The following KLHL1 variants were observed in gnomAD, a reference collection of about 807,000 sequenced individuals.
KLHL1 encodes the protein kelch like family member 1, also known as kelch-like protein 1.
In KLHL1, 47 loss-of-function variants were observed where a neutral mutation model predicts 77.7. That is an observed-to-expected ratio of 0.60 (90% confidence interval 0.48 to 0.77). KLHL1 has a LOEUF of 0.77. KLHL1 is among the 30% of genes least tolerant of loss of function. The probability of loss-of-function intolerance (pLI) is 0.00; values close to 1 mark genes in which losing one functional copy is unlikely to be tolerated. For synonymous variants in KLHL1, 360 were observed against 325.2 expected (o/e 1.11, Z -1.15); for missense variants, 925 against 910.8 (o/e 1.02, Z -0.20).
At chr13:69,858,986 A>G (rs910766338) in intron 5 of KLHL1, among the ~76,000 whole-genome samples, 3 of 152,066 alleles carry the variant, frequency 2.0e-5, no homozygotes, top group African/African-American at 7.2e-5. Context: ...CTATTCATAT[A>G]CGTGTCCATC....
At chr13:69,755,080 G>A (rs1318145071) in intron 7 of KLHL1, among the ~76,000 whole-genome samples, 1 of 152,094 alleles carries the variant, frequency 6.6e-6, no homozygotes, top group African/African-American at 2.4e-5. Flanking sequence ...GATTCCCAAT[G>A]TTGGAGGTGG....
At chr13:70,104,721 T>C (rs1306695478) in intron 1 of KLHL1, among the ~76,000 whole-genome samples, 2 of 152,124 alleles carry the variant, frequency 1.3e-5, no homozygotes, top group Non-Finnish European at 2.9e-5. Flanking sequence ...AAAATTGTCA[T>C]ACAGCATTCA....
intron 1 of KLHL1, among the ~76,000 whole-genome samples, chr13:70,065,863 T>G (rs1260505990): frequency 6.6e-6 from 1 of 152,024 alleles, no homozygotes; most frequent in Non-Finnish European, 1.5e-5. Flanking sequence ...CTAATATTCA[T>G]TACTTCATCA....
chr13:69,751,809 C>A (rs1874496318), intron 7 of KLHL1, among the ~76,000 whole-genome samples: 1 of 152,054 alleles, frequency 6.6e-6, no homozygotes, highest in Non-Finnish European at 1.5e-5. Flanking sequence ...TAGATGTGGC[C>A]ATGCCAAATA....
intron 1 of KLHL1, among the ~76,000 whole-genome samples, chr13:70,003,273 G>A (rs960355536): frequency 6.6e-6 from 1 of 151,636 alleles, no homozygotes; most frequent in Non-Finnish European, 1.5e-5. Context: ...TGATGAATAA[G>A]GGAATTAATT....
intron 5 of KLHL1, among the ~76,000 whole-genome samples, chr13:69,871,583 A>C (rs1036330646): frequency 3.9e-5 from 6 of 152,036 alleles, no homozygotes; most frequent in African/African-American, 2.4e-5. Context: ...TTGGCTGCTG[A>C]TATGATTATA....
chr13:70,107,456 G>A lies in KLHL1; in HGVS notation c.244C>T (p.Pro82Ser), dbSNP rs372375859. 2.5e-5 allele frequency: 41 copies of A among 1,613,968 alleles called. No homozygotes were observed. In the African/African-American group the frequency reaches 4.8e-4, roughly 19 times the overall value. ...TTGAAGGAAGAGGAGGAAGAGGACG[G>A]GGAGGACGATGAAGAGGAAGAGGAG... is the stretch of plus-strand genomic sequence containing the variant. ...PSSSSSSSSS[P>S]SSSSSSFNPL... The change falls in exon 1 of 11, where the codon CCG (proline) becomes TCG (serine). Residue 82 changes from proline (P) to serine (S), a missense_variant. Transcript: ENST00000377844.
intron 7 of KLHL1, among the ~76,000 whole-genome samples, chr13:69,783,759 G>C (rs1209042799): frequency 7.2e-6 from 1 of 139,756 alleles, no homozygotes; most frequent in African/African-American, 2.7e-5. Context: ...ACACTCTGCG[G>C]GATATTATCC....
intron 1 of KLHL1, among the ~76,000 whole-genome samples, chr13:70,021,964 G>GT (rs1885810594): frequency 6.6e-6 from 1 of 151,922 alleles, no homozygotes; most frequent in African/African-American, 2.4e-5. Context: ...TCCCTTCTCT[G>GT]TTGCAGAGCA....
At chr13:69,809,093 G>T (rs9634958) in intron 6 of KLHL1, among the ~76,000 whole-genome samples, 3 of 151,716 alleles carry the variant, frequency 2.0e-5, no homozygotes, top group Non-Finnish European at 2.9e-5. Flanking sequence ...TGATATTAGC[G>T]TACCTGGGAG....
chr13:69,813,122 C>A (rs1354243190), intron 6 of KLHL1, among the ~76,000 whole-genome samples: 2 of 152,028 alleles, frequency 1.3e-5, no homozygotes, highest in Non-Finnish European at 2.9e-5. Context: ...GGCACATATA[C>A]ACCATGGAAT....
At chr13:69,779,142 T>G (rs1875991842) in intron 7 of KLHL1, among the ~76,000 whole-genome samples, 1 of 152,080 alleles carries the variant, frequency 6.6e-6, no homozygotes, top group Non-Finnish European at 1.5e-5. Context: ...CTGATGTGAT[T>G]CCTAGCATTA....
intron 6 of KLHL1, among the ~76,000 whole-genome samples, chr13:69,799,210 G>C (rs1330487618): frequency 6.6e-6 from 1 of 152,158 alleles, no homozygotes; most frequent in Non-Finnish European, 1.5e-5. Flanking sequence ...CATATTTTCT[G>C]GTATGAGTGG....
chr13:70,003,575 T>C (rs564340991), intron 1 of KLHL1, among the ~76,000 whole-genome samples: 20 of 151,872 alleles, frequency 1.3e-4, no homozygotes, highest in African/African-American at 3.9e-4. Context: ...ACAAAGGATA[T>C]AAAAGAAATA....
chr13:70,003,982 A>G (rs950916469), intron 1 of KLHL1, among the ~76,000 whole-genome samples: 17 of 151,950 alleles, frequency 1.1e-4, no homozygotes, highest in African/African-American at 3.1e-4. Flanking sequence ...AGGTCAATGT[A>G]TATTTGTATG....
intron 4 of KLHL1, among the ~76,000 whole-genome samples, chr13:69,895,717 T>TC (rs1881611697): frequency 6.6e-6 from 1 of 150,960 alleles, no homozygotes; most frequent in Admixed American, 6.6e-5. Context: ...TTTTTCCTTT[T>TC]TTTTTTTTTC....
intron 5 of KLHL1, among the ~76,000 whole-genome samples, chr13:69,878,363 T>C (rs550932920): frequency 7.9e-5 from 12 of 152,184 alleles, no homozygotes; most frequent in Admixed American, 3.9e-4. Context: ...GCAGCCCACA[T>C]TGAGTCTTTC....
chr13:70,043,147 C>T lies in KLHL1; in HGVS notation c.497+64056G>A, dbSNP rs146684288. On this transcript the variant is annotated intron_variant, in intron 1 of 10. Transcript: ENST00000377844. ...CTCGAACTCCCGACCTCTGGTGATC[C>T]ACCTGCTTGGCTTCCGAAAATGCTG... 4.6e-3 allele frequency among the ~76,000 whole-genome samples: 698 copies of T among 152,122 alleles called. 3 individuals are homozygous for T. Among genetic ancestry groups the T allele is most frequent in the Middle Eastern group, 0.01 (3 of 292 alleles).
intron 1 of KLHL1, among the ~76,000 whole-genome samples, chr13:70,056,644 T>C (rs888831809): frequency 6.6e-6 from 1 of 151,948 alleles, no homozygotes; most frequent in Admixed American, 6.6e-5. Context: ...CTCAACAGAA[T>C]AAAATAAGAA....
Sources: gnomAD v4.1 joint callset for allele counts (sites outside exome capture counted in the v4.1 genomes callset) on GRCh38, gnomAD v4.1.1 for gene constraint, MANE v1.5 for transcripts, NCBI Gene and HGNC (gene_info 2026-07-23, HGNC 2026-07-21) for gene names.